The following DOP1B variants were observed in gnomAD, a reference collection of about 807,000 sequenced individuals.
DOP1B encodes the protein protein DOP1B.
Under a neutral mutation model 233.5 loss-of-function variants are expected in DOP1B, and 174 were observed. That is an observed-to-expected ratio of 0.75 (90% CI 0.66 to 0.85). DOP1B has a LOEUF of 0.85. Among genes scored for constraint, DOP1B ranks in the 40% least tolerant of loss-of-function variants. The pLI, the probability that DOP1B is intolerant of heterozygous loss-of-function variation, is 0.00. For synonymous variants in DOP1B, 1,190 were observed against 1,185.6 expected (o/e 1.00, Z -0.08); for missense variants, 2,652 against 2,846.6 (o/e 0.93, Z 1.56).
At chr21:36,173,126 G>T (rs969712360) in intron 2 of DOP1B, among the ~76,000 whole-genome samples, 1 of 152,104 alleles carries the variant, frequency 6.6e-6, no homozygotes, top group Non-Finnish European at 1.5e-5. Flanking sequence ...TCTCAAAAAA[G>T]AGTTGAGAGT....
chr21:36,265,634 C>T lies in DOP1B; in HGVS notation c.5487+1820C>T, dbSNP rs149539152. On this transcript the variant is annotated intron_variant, in intron 26 of 36. Coordinates refer to ENST00000691173, the MANE Select transcript of DOP1B (RefSeq NM_001320714.2). ...ACAGGGCTCTGGCCACAGGCATTCC[C>T]TCCGTTGTTGCAGCTGGCATGCCTC... Among the ~76,000 whole-genome samples the T allele has an allele frequency of 7.8e-3, 1,191 of 152,270 alleles. 16 individuals are homozygous for T. Among genetic ancestry groups the T allele is most frequent in the African/African-American group, 0.028 (1,166 of 41,546 alleles).
chr21:36,287,175 T>C (rs2067494900), intron 32 of DOP1B, among the ~76,000 whole-genome samples: 1 of 152,098 alleles, frequency 6.6e-6, no homozygotes, highest in African/African-American at 2.4e-5. Context: ...AGAGTGTTAT[T>C]TGAAACACTT....
chr21:36,264,488 G>A (rs1162991477), intron 26 of DOP1B, among the ~76,000 whole-genome samples: 27 of 151,222 alleles, frequency 1.8e-4, no homozygotes, highest in Non-Finnish European at 1.6e-4. Flanking sequence ...TTGGGCCAGG[G>A]GGTTGGACAG....
At chr21:36,165,101 T>C (rs899381350) in intron 2 of DOP1B, among the ~76,000 whole-genome samples, 1 of 152,174 alleles carries the variant, frequency 6.6e-6, no homozygotes, top group Non-Finnish European at 1.5e-5. Context: ...AATTCTGTCC[T>C]CCAGTGTTAC....
intron 4 of DOP1B, among the ~76,000 whole-genome samples, chr21:36,204,337 G>A (rs149897844): frequency 6.6e-6 from 1 of 152,266 alleles, no homozygotes; most frequent in East Asian, 1.9e-4. Context: ...AATAAGGGAG[G>A]CCATAGTACA....
At chr21:36,192,368 A>AG (rs1187068275) in intron 2 of DOP1B, among the ~76,000 whole-genome samples, 1 of 150,684 alleles carries the variant, frequency 6.6e-6, no homozygotes, top group African/African-American at 2.4e-5. Context: ...AAAAAAAAAA[A>AG]CTACCAAAAA....
chr21:36,292,460 T>C (rs767854554), intron 36 of DOP1B, among the ~76,000 whole-genome samples: 3 of 152,000 alleles, frequency 2.0e-5, no homozygotes, highest in Non-Finnish European at 4.4e-5. Flanking sequence ...AATCTCACTC[T>C]GTTGCCCAGG....
chr21:36,223,184 C>A, intron 10 of DOP1B, 47 bp from the exon 11 acceptor site: 2 of 1,525,014 alleles, frequency 1.3e-6, no homozygotes, highest in African/African-American at 1.4e-5. Context: ...TTTTGTAATT[C>A]AGGATTTTTT....
intron 1 of DOP1B, among the ~76,000 whole-genome samples, chr21:36,157,635 T>C (rs1194952347): frequency 6.6e-6 from 1 of 152,230 alleles, no homozygotes; most frequent in Non-Finnish European, 1.5e-5. Flanking sequence ...CCCACAAGTC[T>C]GCTGCCATTA....
intron 21 of DOP1B, among the ~76,000 whole-genome samples, chr21:36,250,204 G>A (rs1431317260): frequency 6.6e-6 from 1 of 152,188 alleles, no homozygotes; most frequent in African/African-American, 2.4e-5. Context: ...TGGAAAAGAG[G>A]GGACAGCTCC....
At chr21:36,271,922 G>A (rs572655643) in intron 27 of DOP1B, among the ~76,000 whole-genome samples, 1 of 142,044 alleles carries the variant, frequency 7.0e-6, no homozygotes, top group East Asian at 2.3e-4. Context: ...CGCCTGAGGT[G>A]ATTACAAATG....
At chr21:36,178,406 G>A (rs2066055635) in intron 2 of DOP1B, among the ~76,000 whole-genome samples, 1 of 151,910 alleles carries the variant, frequency 6.6e-6, no homozygotes, top group African/African-American at 2.4e-5. Context: ...GGCTGAGGTG[G>A]GAGGTTTGCT....
At chr21:36,292,360 G>GAA in intron 36 of DOP1B, 127 bp downstream of exon 36, 1 of 690,400 alleles carries the variant, frequency 1.4e-6, no homozygotes, top group East Asian at 3.0e-5. Flanking sequence ...AGGTTCAAGT[G>GAA]ATTCTCCTGC....
In DOP1B at chr21:36,231,104, C is replaced by T. The variant is rs754974277; in HGVS notation, c.2320C>T (p.Gln774Ter). The change falls in exon 14 of 37, where the codon CAG (glutamine) becomes TAG (stop). Residue 774 changes from glutamine to a stop codon, truncating the protein, a stop_gained. Coordinates refer to ENST00000691173, the MANE Select transcript of DOP1B (RefSeq NM_001320714.2). LOFTEE classifies it high-confidence loss of function. Reference sequence around the variant, plus strand: ...CTACCTGTCCGAGGAAGAGACCGAGCAGCTCTGTGCAACGCTCTTCCAGCT... The same window carrying T: ...CTACCTGTCCGAGGAAGAGACCGAGTAGCTCTGTGCAACGCTCTTCCAGCT... ...PVYLSEEETE[Q>*]LCATLFQLPG... 1.2e-6 allele frequency: 2 copies of T among 1,602,956 alleles called. No individual in the cohort carries two copies. Among genetic ancestry groups the T allele is most frequent in the Non-Finnish European group, 1.7e-6 (2 of 1,173,322 alleles).
intron 27 of DOP1B, among the ~76,000 whole-genome samples, chr21:36,276,386 C>T (rs2067349292): frequency 6.6e-6 from 1 of 151,878 alleles, no homozygotes; most frequent in South Asian, 2.1e-4. Context: ...TTAAAATTAC[C>T]TGGGCGTGGT....
rs778458066 is a variant in DOP1B, at chr21:36,246,146, T to A, written c.4166T>A (p.Leu1389His). 1 of 1,613,830 alleles carries A rather than the reference T, an allele frequency of 6.2e-7. No homozygotes were observed. Among genetic ancestry groups the A allele is most frequent in the African/African-American group, 1.3e-5 (1 of 75,018 alleles). Residue 1389 changes from leucine (L) to histidine (H), a missense_variant, in exon 19 of 37, where the codon CTC becomes CAC. Coordinates refer to ENST00000691173, the MANE Select transcript of DOP1B (RefSeq NM_001320714.2). This position sits in a 1 kb window ranked among gnomAD's most constrained non-coding sequence, Gnocchi z 5.1. ...QRCKVQEFVL[L>H]SLSASMYTSQ... ...TGCAAAGTTCAGGAGTTTGTCCTGC[T>A]CTCCCTGTCGGCGTCCATGTACACG...
At position 36,293,691 on chromosome 21, in the gene DOP1B, G is replaced by A; in HGVS notation, c.*120G>A. ...GAACAAGCCTATTTCCATTTTGAAA[G>A]TAGATTTCAGGCTAGGTGCGGTGGC... On this transcript the variant is annotated 3_prime_UTR_variant, in exon 37 of 37. Coordinates refer to ENST00000691173, the MANE Select transcript of DOP1B (RefSeq NM_001320714.2). 8.2e-7 allele frequency: 1 copy of A among 1,214,504 alleles called. No individual in the cohort carries two copies. Among genetic ancestry groups the A allele is most frequent in the Non-Finnish European group, 1.2e-6 (1 of 861,634 alleles). 75.2% of individuals were successfully genotyped at this position (1,214,504 alleles called of 1,614,324 possible).
rs569284394 is a variant in DOP1B, at chr21:36,223,784, C to A, written c.1370+434C>A. Among the ~76,000 whole-genome samples, 11 of 152,240 alleles carry A rather than the reference C, an allele frequency of 7.2e-5. No individual in the cohort carries two copies. The South Asian group carries it at 2.3e-3, about 32-fold the overall frequency. Reference sequence around the variant, plus strand: ...CATTAATGTTTTAAGCTACTATAATCAGCTTTACCATCTCTTTTAACCGGG... The same window carrying A: ...CATTAATGTTTTAAGCTACTATAATAAGCTTTACCATCTCTTTTAACCGGG... On this transcript the variant is annotated intron_variant, in intron 11 of 36. Coordinates refer to ENST00000691173, the MANE Select transcript of DOP1B (RefSeq NM_001320714.2).
rs148015326 is a variant in DOP1B at position 36,172,030 on chromosome 21, G to A, written c.138+7159G>A. On this transcript the variant is annotated intron_variant, in intron 2 of 36. Transcript: ENST00000691173. ...TTTAGACAGAGAGGACACTGACAGC[G>A]TGACCTTAAAGCAGAGGTTGGGGTG... Among the ~76,000 whole-genome samples, 27 of 152,288 alleles carry A rather than the reference G, an allele frequency of 1.8e-4. No homozygotes were observed. In the East Asian group the frequency reaches 4.8e-3, roughly 27 times the overall value.
Sources: gnomAD v4.1 joint callset for allele counts (sites outside exome capture counted in the v4.1 genomes callset) on GRCh38, gnomAD v4.1.1 for gene constraint, Gnocchi (gnomAD v3.1) non-coding constraint, MANE v1.5 for transcripts, NCBI Gene and HGNC (gene_info 2026-07-23, HGNC 2026-07-21) for gene names.